The following TIAM2 variants were observed in gnomAD, a reference collection of about 807,000 sequenced individuals.
The protein encoded by TIAM2 is TIAM Rac1 associated GEF 2, also known as rho guanine nucleotide exchange factor TIAM2.
A neutral mutation model predicts 152.9 loss-of-function variants in TIAM2; 80 were observed. That is an observed-to-expected ratio of 0.52 (90% CI 0.44 to 0.63). The LOEUF (loss-of-function observed/expected upper bound fraction) is 0.63, where lower values mean the gene tolerates loss of function less well. Ranked by LOEUF, TIAM2 falls within the 30% of genes least tolerant of loss-of-function variation. The probability of loss-of-function intolerance (pLI) is 0.00; values close to 1 mark genes in which losing one functional copy is unlikely to be tolerated. For synonymous variants in TIAM2, 804 were observed against 838.0 expected (o/e 0.96, Z 0.70); for missense variants, 1,965 against 2,120.1 (o/e 0.93, Z 1.44).
At chr6:155,253,819 G>GAA (rs1783828580) in intron 24 of TIAM2, 154 bp from the exon 25 acceptor site, 1 of 580,808 alleles carries the variant, frequency 1.7e-6, no homozygotes, top group African/African-American at 1.9e-5. Flanking sequence ...TTGTAACTGT[G>GAA]AAAATCATAC....
At chr6:155,099,251 TG>T (rs1360508885) in intron 2 of TIAM2, among the ~76,000 whole-genome samples, 117 of 151,580 alleles carry the variant, frequency 7.7e-4, no homozygotes, top group Non-Finnish European at 1.5e-3. Flanking sequence ...TGTGTGTGTG[TG>T]TGTGTGTGTA....
intron 9 of TIAM2, among the ~76,000 whole-genome samples, chr6:155,169,688 C>T (rs1032885308): frequency 1.3e-5 from 2 of 152,180 alleles, no homozygotes; most frequent in Non-Finnish European, 2.9e-5. Flanking sequence ...TCTGACCAAA[C>T]AAATCCTCAG....
At chr6:155,057,021 T>C (rs1205662892) in intron 1 of TIAM2, among the ~76,000 whole-genome samples, 79 of 111,062 alleles carry the variant, frequency 7.1e-4, no homozygotes, top group African/African-American at 3.2e-3. Context: ...TTCTTTCTTT[T>C]TTTTTTTTTT....
At position 155,137,224 on chromosome 6, in the gene TIAM2, T is replaced by G. The variant is rs755053431; in HGVS notation, c.1242T>G (p.Asp414Glu). The change falls in exon 5 of 27, where the codon GAT (aspartate) becomes GAG (glutamate). Residue 414 changes from aspartate to glutamate, a missense_variant. Asp to Glu is a conservative substitution (Grantham distance 45). Transcript: ENST00000682666. ...EGSDYFDSRS[D>E]GLNTDVQGSS... Reference sequence around the variant, plus strand: ...GTGACTACTTTGACAGTCGCTCTGATGGACTGAATACAGATGTGCAGGGAT... The same window carrying G: ...GTGACTACTTTGACAGTCGCTCTGAGGGACTGAATACAGATGTGCAGGGAT... The G allele has an allele frequency of 1.9e-6, 3 of 1,614,208 alleles. No homozygotes were observed. The South Asian group carries it at 3.3e-5, about 18-fold the overall frequency.
intron 2 of TIAM2, among the ~76,000 whole-genome samples, chr6:155,102,767 T>TTGTGTGTG (rs56117781): frequency 1.7e-3 from 243 of 145,752 alleles, no homozygotes; most frequent in African/African-American, 5.8e-3. Context: ...GATTAATTTA[T>TTGTGTGTG]TGTGTGTGTG....
At chr6:155,033,213 C>T (rs747886275) in intron 1 of TIAM2, among the ~76,000 whole-genome samples, 5 of 152,004 alleles carry the variant, frequency 3.3e-5, no homozygotes, top group African/African-American at 9.7e-5. Flanking sequence ...GCCCTGCCTG[C>T]GCGCTACTTA....
At chr6:155,063,375 T>A (rs2114941467) in intron 1 of TIAM2, among the ~76,000 whole-genome samples, 1 of 152,310 alleles carries the variant, frequency 6.6e-6, no homozygotes, top group African/African-American at 2.4e-5. Flanking sequence ...GGAGAGTACA[T>A]GTTGTGCGTG....
intron 1 of TIAM2, among the ~76,000 whole-genome samples, chr6:155,067,140 G>A (rs1456444830): frequency 2.0e-5 from 3 of 152,214 alleles, no homozygotes; most frequent in South Asian, 2.1e-4. Flanking sequence ...CCGCAGGATC[G>A]TAGGACCCCA....
At chr6:155,143,842 A>G (rs1175677814) in intron 5 of TIAM2, among the ~76,000 whole-genome samples, 2 of 152,194 alleles carry the variant, frequency 1.3e-5, no homozygotes, top group Non-Finnish European at 2.9e-5. Context: ...AAAGGAAAAT[A>G]AAACCTGGGG....
At chr6:155,147,149 C>T (rs1389258458) in intron 6 of TIAM2, among the ~76,000 whole-genome samples, 1 of 149,142 alleles carries the variant, frequency 6.7e-6, no homozygotes, top group African/African-American at 2.5e-5. Flanking sequence ...TTTTGTTTCC[C>T]CCCAATATAC....
intron 1 of TIAM2, among the ~76,000 whole-genome samples, chr6:154,998,272 A>G (rs1778255326): frequency 6.6e-6 from 1 of 152,238 alleles, no homozygotes; most frequent in South Asian, 2.1e-4. Context: ...CTTTGCTCGC[A>G]TAAACATGTG....
Position 155,060,533 on chromosome 6 carries a change from T to C in TIAM2, c.-208-29756T>C, listed in dbSNP as rs57631813. ...GTATGGAGTCATAGCCATTATTTTA[T>C]TCTTTGAGTTAGAACTCAATACTAT... On this transcript the variant is annotated intron_variant, in intron 1 of 26. Coordinates refer to ENST00000682666, the MANE Select transcript of TIAM2 (RefSeq NM_012454.4). Among the ~76,000 whole-genome samples the C allele has an allele frequency of 4.4e-3, 663 of 152,376 alleles. 8 individuals are homozygous for C. Among genetic ancestry groups the C allele is most frequent in the East Asian group, 0.037 (191 of 5,190 alleles).
intron 14 of TIAM2, among the ~76,000 whole-genome samples, chr6:155,198,312 G>T (rs1311564260): frequency 6.6e-6 from 1 of 152,200 alleles, no homozygotes; most frequent in African/African-American, 2.4e-5. Context: ...CACAATTCTT[G>T]ATAAAAATAG....
intron 2 of TIAM2, among the ~76,000 whole-genome samples, chr6:155,104,736 A>G (rs540090203): frequency 9.5e-4 from 143 of 149,782 alleles, no homozygotes; most frequent in African/African-American, 3.1e-3. Context: ...CAGCCTGGGC[A>G]ACAGAGAGAG....
chr6:155,048,092 AC>A (rs879390612), intron 1 of TIAM2, among the ~76,000 whole-genome samples: 1 of 152,064 alleles, frequency 6.6e-6, no homozygotes, highest in African/African-American at 2.4e-5. Context: ...AGCTGGGACT[AC>A]AGGCATGTGC....
chr6:155,208,987 C>CAAGAT (rs1781655330), intron 14 of TIAM2, among the ~76,000 whole-genome samples: 1 of 152,014 alleles, frequency 6.6e-6, no homozygotes, highest in Non-Finnish European at 1.5e-5. Flanking sequence ...CTGCCCACCC[C>CAAGAT]GCCTTGTCAT....
chr6:155,083,776 A>G (rs1016121438), intron 1 of TIAM2, among the ~76,000 whole-genome samples: 1 of 152,166 alleles, frequency 6.6e-6, no homozygotes, highest in Non-Finnish European at 1.5e-5. Flanking sequence ...TGCTAAGTCA[A>G]TTTCTTTTGT....
intron 5 of TIAM2, among the ~76,000 whole-genome samples, chr6:155,138,490 G>T (rs1583210193): frequency 6.6e-6 from 1 of 151,526 alleles, no homozygotes; most frequent in East Asian, 1.9e-4. Context: ...GTGCATGCAG[G>T]TTTGTTACAT....
At chr6:155,005,042 G>C in intron 1 of TIAM2, 1 of 515,698 alleles carries the variant, frequency 1.9e-6, no homozygotes, top group South Asian at 3.5e-5. Flanking sequence ...AACCCATGAT[G>C]AGCCAGTGGA....
Sources: allele counts gnomAD v4.1 joint callset (sites outside exome capture counted in the v4.1 genomes callset), GRCh38; gene constraint gnomAD v4.1.1; transcripts MANE v1.5; gene names NCBI Gene and HGNC (gene_info 2026-07-23, HGNC 2026-07-21).